Variants in PRCP observed in about 807,000 individuals in gnomAD.
PRCP encodes the protein prolylcarboxypeptidase, also known as lysosomal Pro-X carboxypeptidase.
In PRCP, 46 loss-of-function variants were observed where a neutral mutation model predicts 54.2. The observed-to-expected ratio is 0.85, with a 90% confidence interval of 0.67 to 1.09. The LOEUF (loss-of-function observed/expected upper bound fraction) is 1.09. PRCP is among the 50% of genes least tolerant of loss of function. The pLI is 0.00. For synonymous variants in PRCP, 240 were observed against 212.2 expected (o/e 1.13, Z -1.14); for missense variants, 613 against 596.8 (o/e 1.03, Z -0.28).
chr11:82,844,489 C>A (rs969545397), intron 6 of PRCP, among the ~76,000 whole-genome samples: 6 of 151,958 alleles, frequency 3.9e-5, no homozygotes, highest in Non-Finnish European at 7.4e-5. Context: ...GTAATCCCAG[C>A]ACTTTGGGAG....
At position 82,860,131 on chromosome 11, in the gene PRCP, A is replaced by G; in HGVS notation, c.169-14T>C. On this transcript the variant is annotated splice_polypyrimidine_tract_variant and intron_variant, in intron 1 of 8. Coordinates refer to ENST00000313010, the MANE Select transcript of PRCP (RefSeq NM_005040.4). ...AAAATGATCAACCTGTGATAAAAACAAAACAAAACATATTTCAAAGGAAAG... is the reference window on the plus strand; with the variant it reads ...AAAATGATCAACCTGTGATAAAAACGAAACAAAACATATTTCAAAGGAAAG... 1 of 1,449,848 alleles carries G rather than the reference A, an allele frequency of 6.9e-7. No individual in the cohort carries two copies. The allele number at this position is 1,449,848 out of a possible 1,614,324, so 89.8% of individuals were successfully genotyped here. A position where few individuals can be genotyped will look rare whatever the true frequency, so the allele number is the denominator to read the frequency against.
At chr11:82,829,099 T>C (rs1002342259) in intron 8 of PRCP, 1 of 152,224 alleles carries the variant, frequency 6.6e-6, no homozygotes, top group African/African-American at 2.4e-5. Context: ...TGAGTTACTA[T>C]AATAGCCTTT....
intron 8 of PRCP, chr11:82,831,277 C>T (rs1591034842): frequency 1.3e-5 from 2 of 152,046 alleles, no homozygotes; most frequent in East Asian, 3.9e-4. Context: ...CAATAAAACT[C>T]CCCCCAAAAA....
intron 1 of PRCP, among the ~76,000 whole-genome samples, chr11:82,872,951 AAG>A (rs1353397520): frequency 1.3e-5 from 2 of 152,188 alleles, no homozygotes; most frequent in African/African-American, 4.8e-5. Flanking sequence ...AGTGGTGAAC[AAG>A]AGAGAGAATG....
intron 1 of PRCP, among the ~76,000 whole-genome samples, chr11:82,870,691 C>T (rs1382084244): frequency 2.0e-5 from 3 of 152,110 alleles, no homozygotes; most frequent in Non-Finnish European, 4.4e-5. Flanking sequence ...GATGCCTAGG[C>T]CTCCATAAAG....
At chr11:82,870,274 G>A (rs1591061952) in intron 1 of PRCP, among the ~76,000 whole-genome samples, 1 of 152,214 alleles carries the variant, frequency 6.6e-6, no homozygotes, top group Non-Finnish European at 1.5e-5. Context: ...TGTAAAATTT[G>A]TGTTTCCAAC....
intron 7 of PRCP, among the ~76,000 whole-genome samples, 185 bp from the exon 8 acceptor site, chr11:82,838,759 C>T (rs1333681756): frequency 6.6e-6 from 1 of 152,168 alleles, no homozygotes; most frequent in African/African-American, 2.4e-5. Context: ...AAAGACTTGG[C>T]CAAGAAGTCA....
chr11:82,840,785 A>G (rs1430904133), intron 6 of PRCP: 3 of 151,664 alleles, frequency 2.0e-5, no homozygotes, highest in African/African-American at 7.3e-5. Context: ...ATTATTTTAC[A>G]TGAAAAAAAA....
intron 1 of PRCP, among the ~76,000 whole-genome samples, chr11:82,882,875 A>ACACACATACACT (rs71274460): frequency 6.7e-6 from 1 of 149,128 alleles, no homozygotes; most frequent in Non-Finnish European, 1.5e-5. Flanking sequence ...ACACACACAC[A>ACACACATACACT]GCCCTACTGC....
At chr11:82,873,609 A>C (rs1859530920) in intron 1 of PRCP, among the ~76,000 whole-genome samples, 1 of 152,236 alleles carries the variant, frequency 6.6e-6, no homozygotes, top group African/African-American at 2.4e-5. Flanking sequence ...CACAATCTTC[A>C]CTGGTTACCT....
intron 8 of PRCP, chr11:82,835,729 GA>G (rs1858507782): frequency 3.0e-6 from 1 of 334,798 alleles, no homozygotes. Flanking sequence ...TTAATCAGAA[GA>G]AAAAGGAGAA....
chr11:82,856,236 T>C (rs1859079205), intron 2 of PRCP, among the ~76,000 whole-genome samples: 1 of 152,214 alleles, frequency 6.6e-6, no homozygotes, highest in African/African-American at 2.4e-5. Flanking sequence ...ATCTTAGCAC[T>C]GTTTGCAATA....
chr11:82,869,217 G>A (rs1039279852), intron 1 of PRCP, among the ~76,000 whole-genome samples: 1 of 151,774 alleles, frequency 6.6e-6, no homozygotes. Flanking sequence ...TTAGCCGGGT[G>A]TGGTGGTACA....
chr11:82,882,786 C>T (rs184581296), intron 1 of PRCP, among the ~76,000 whole-genome samples: 18 of 147,914 alleles, frequency 1.2e-4, no homozygotes, highest in Admixed American at 3.3e-4. Context: ...TGAGCCACCG[C>T]GCCCGGCCGA....
rs200506996 is a variant in PRCP, at chr11:82,839,333, C to T, written c.1014G>A (p.Ser338=). The change falls in exon 7 of 9, where the codon TCG becomes TCA. Residue 338 remains serine, a synonymous_variant. Transcript: ENST00000313010. ...AAATATTCAGGCATTTCACCTGGCC[C>T]GAATAATTGTAATATACATTCAGAG... is the stretch of plus-strand genomic sequence containing the variant. ...FQALNVYYNY[S]GQVKCLNISE... is the part of the protein sequence containing the mutation. The T allele has an allele frequency of 1.1e-5, 18 of 1,613,850 alleles. No homozygotes were observed. In the African/African-American group the frequency reaches 1.2e-4, roughly 11 times the overall value.
chr11:82,856,791 G>A (rs568802562), intron 2 of PRCP, among the ~76,000 whole-genome samples: 1 of 152,298 alleles, frequency 6.6e-6, no homozygotes, highest in East Asian at 1.9e-4. Context: ...GCTCACGCCT[G>A]TAATCCCAAC....
chr11:82,901,183 CTG>C (rs1252102859), upstream of PRCP, among the ~76,000 whole-genome samples: 1 of 152,190 alleles, frequency 6.6e-6, no homozygotes, highest in East Asian at 1.9e-4. Context: ...CACCCCAAAA[CTG>C]TGTTGCTCGC....
At chr11:82,885,222 T>C (rs985492403) in intron 1 of PRCP, among the ~76,000 whole-genome samples, 3 of 152,252 alleles carry the variant, frequency 2.0e-5, no homozygotes, top group African/African-American at 7.2e-5. Context: ...TAGTCACCAA[T>C]GCTGTGACAT....
chr11:82,900,070 A>G (rs1195160177), intron 1 of PRCP, 165 bp downstream of exon 1: 1 of 864,236 alleles, frequency 1.2e-6, no homozygotes, highest in Admixed American at 3.0e-5. Context: ...AAATTTAAAC[A>G]GAACTGGGAT....
Sources: gnomAD v4.1 joint callset for allele counts (sites outside exome capture counted in the v4.1 genomes callset) on GRCh38, gnomAD v4.1.1 for gene constraint, MANE v1.5 for transcripts, NCBI Gene and HGNC (gene_info 2026-07-23, HGNC 2026-07-21) for gene names.